Variants in ANO4 observed in about 807,000 individuals in gnomAD.
ANO4 encodes anoctamin 4, also known as anoctamin-4.
In ANO4, 69 loss-of-function variants were observed where a neutral mutation model predicts 141.9. That is an observed-to-expected ratio of 0.49 (90% CI 0.40 to 0.59). The LOEUF (loss-of-function observed/expected upper bound fraction) is 0.59. Among genes scored for constraint, ANO4 ranks in the 20% least tolerant of loss-of-function variants. The pLI, the probability that ANO4 is intolerant of heterozygous loss-of-function variation, is 0.00. For synonymous variants in ANO4, 350 were observed against 394.3 expected, an observed-to-expected ratio of 0.89 and a Z score of 1.33; for missense variants, 894 against 1,162.2, an observed-to-expected ratio of 0.77 and a Z score of 3.36.
intron 3 of ANO4, among the ~76,000 whole-genome samples, chr12:100,754,187 A>G (rs1041248398): frequency 2.0e-5 from 3 of 152,246 alleles, no homozygotes; most frequent in Non-Finnish European, 2.9e-5. Context: ...CTGTGAACAC[A>G]TAACTCACAA....
chr12:100,783,068 C>T (rs1445203308), intron 3 of ANO4, among the ~76,000 whole-genome samples: 1 of 152,202 alleles, frequency 6.6e-6, no homozygotes, highest in East Asian at 1.9e-4. Flanking sequence ...TTCCTTCCTT[C>T]CTTCTCTCTT....
At chr12:100,952,019 C>T (rs927449282) in intron 5 of ANO4, among the ~76,000 whole-genome samples, 3 of 152,080 alleles carry the variant, frequency 2.0e-5, no homozygotes, top group Admixed American at 2.0e-4. Context: ...TCATCCCTAG[C>T]TGAGAATCCC....
chr12:100,732,185 C>T (rs11110502), intron 1 of ANO4, among the ~76,000 whole-genome samples: 13,369 of 152,216 alleles, frequency 0.088, 709 homozygotes, highest in East Asian at 0.22. Context: ...TCTAGAATGG[C>T]TGTACCATTT....
At chr12:100,871,606 T>C (rs2039038106) in intron 1 of ANO4, among the ~76,000 whole-genome samples, 1 of 152,230 alleles carries the variant, frequency 6.6e-6, no homozygotes. Flanking sequence ...TACACTCTGA[T>C]TGGGTGGCTT....
intron 8 of ANO4, among the ~76,000 whole-genome samples, chr12:101,005,416 C>T (rs1054032944): frequency 6.6e-6 from 1 of 152,138 alleles, no homozygotes; most frequent in Non-Finnish European, 1.5e-5. Context: ...TCAGTTGAGT[C>T]TGCATCAAGT....
chr12:100,790,051 G>A (rs2033994493), upstream of ANO4, among the ~76,000 whole-genome samples: 1 of 152,168 alleles, frequency 6.6e-6, no homozygotes, highest in Non-Finnish European at 1.5e-5. Flanking sequence ...GGCCTTGAAG[G>A]ATGATTGATA....
At chr12:100,898,993 G>A (rs904574433) in intron 1 of ANO4, among the ~76,000 whole-genome samples, 3 of 152,178 alleles carry the variant, frequency 2.0e-5, no homozygotes, top group Non-Finnish European at 4.4e-5. Context: ...ACAGAGCATG[G>A]TGGAGTGGAA....
At chr12:100,793,079 A>G (rs925458128), upstream of ANO4, among the ~76,000 whole-genome samples, 1 of 152,212 alleles carries the variant, frequency 6.6e-6, no homozygotes, top group African/African-American at 2.4e-5. Context: ...CTGTCTTGGC[A>G]AGAATCATAG....
chr12:101,048,062 AAAAGGGGAT>A, intron 13 of ANO4: 1 of 1,196,950 alleles, frequency 8.4e-7, no homozygotes, highest in Non-Finnish European at 1.0e-6. Flanking sequence ...TGTTGTGCAC[AAAAGGGGAT>A]TCTTAGTAGC....
intron 1 of ANO4, among the ~76,000 whole-genome samples, chr12:100,814,159 A>G (rs1006412277): frequency 1.3e-5 from 2 of 152,188 alleles, no homozygotes; most frequent in African/African-American, 4.8e-5. Context: ...GGTATACTAT[A>G]TACTCTGTAG....
intron 3 of ANO4, among the ~76,000 whole-genome samples, chr12:100,938,539 T>C (rs1489057410): frequency 2.0e-5 from 3 of 152,186 alleles, no homozygotes; most frequent in African/African-American, 7.2e-5. Context: ...TGGCCCATAA[T>C]TGAAGTGGAT....
chr12:100,951,512 A>T (rs1205146377), intron 5 of ANO4, among the ~76,000 whole-genome samples: 2 of 152,234 alleles, frequency 1.3e-5, no homozygotes, highest in African/African-American at 4.8e-5. Flanking sequence ...TATTAAAAAG[A>T]ACAAGATCAT....
intron 1 of ANO4, among the ~76,000 whole-genome samples, chr12:100,806,970 G>A (rs961134909): frequency 6.6e-6 from 1 of 152,020 alleles, no homozygotes; most frequent in Non-Finnish European, 1.5e-5. Flanking sequence ...TTTATATAAA[G>A]TTGTCACATG....
At chr12:101,106,184 A>G (rs1299469759) in intron 22 of ANO4, among the ~76,000 whole-genome samples, 1 of 152,212 alleles carries the variant, frequency 6.6e-6, no homozygotes, top group Non-Finnish European at 1.5e-5. Flanking sequence ...CAAGTCAATA[A>G]AAAGAAAATC....
At chr12:101,104,945 T>A (rs2050382949) in intron 22 of ANO4, among the ~76,000 whole-genome samples, 1 of 152,068 alleles carries the variant, frequency 6.6e-6, no homozygotes, top group Non-Finnish European at 1.5e-5. Flanking sequence ...TGAAACTGGG[T>A]TATTATGTAC....
At chr12:101,079,390 C>A in intron 15 of ANO4, 115 bp downstream of exon 15, 1 of 836,302 alleles carries the variant, frequency 1.2e-6, no homozygotes, top group Non-Finnish European at 1.9e-6. Flanking sequence ...ACTCATAAAG[C>A]ATTTTCAATT....
chr12:100,938,625 C>T (rs2042384052), intron 3 of ANO4, among the ~76,000 whole-genome samples: 1 of 152,160 alleles, frequency 6.6e-6, no homozygotes, highest in Admixed American at 6.5e-5. Context: ...GTAAGGCACT[C>T]TGCATTTGAA....
intron 5 of ANO4, 70 bp from the exon 6 acceptor site, chr12:100,971,236 G>A (rs2043922133): frequency 8.7e-7 from 1 of 1,147,048 alleles, no homozygotes; most frequent in East Asian, 2.4e-5. Context: ...TGCATTCTAA[G>A]TTCCAACTCA....
At chr12:101,006,933 A>AT (rs1445803964) in intron 8 of ANO4, among the ~76,000 whole-genome samples, 6 of 152,176 alleles carry the variant, frequency 3.9e-5, no homozygotes, top group Non-Finnish European at 8.8e-5. Context: ...TCACCAGTGC[A>AT]TTTTTGTATG....
Sources: allele counts gnomAD v4.1 joint callset (sites outside exome capture counted in the v4.1 genomes callset), GRCh38; gene constraint gnomAD v4.1.1; transcripts MANE v1.5; gene names NCBI Gene and HGNC (gene_info 2026-07-23, HGNC 2026-07-21).